CNTN4: variants seen among roughly 807,000 people sequenced by gnomAD.
CNTN4 encodes the protein contactin-4.
Under a neutral mutation model 122.5 loss-of-function variants are expected in CNTN4, and 77 were observed. The observed-to-expected ratio is 0.63, with a 90% CI of 0.52 to 0.76. The LOEUF (loss-of-function observed/expected upper bound fraction) is 0.76, where lower values mean the gene tolerates loss of function less well. Among genes scored for constraint, CNTN4 ranks in the 30% least tolerant of loss-of-function variants. The pLI, the probability that CNTN4 is intolerant of heterozygous loss-of-function variation, is 0.00. For missense variants in CNTN4, 1,256 were observed against 1,259.1 expected, an observed-to-expected ratio of 1.00 and a Z score of 0.04; for synonymous variants, 512 against 447.0, an observed-to-expected ratio of 1.15 and a Z score of -1.83.
At chr3:2,501,291 A>T (rs1422350343) in intron 3 of CNTN4, among the ~76,000 whole-genome samples, 1 of 152,172 alleles carries the variant, frequency 6.6e-6, no homozygotes, top group Non-Finnish European at 1.5e-5. Context: ...GGAAGTGTAA[A>T]TTTGGGCTTT....
chr3:2,363,048 C>A (rs530492553), intron 3 of CNTN4, among the ~76,000 whole-genome samples: 1 of 152,102 alleles, frequency 6.6e-6, no homozygotes, highest in Non-Finnish European at 1.5e-5. Context: ...ATCTTATGAT[C>A]CATTAATTGG....
intron 4 of CNTN4, among the ~76,000 whole-genome samples, chr3:2,665,128 C>CTGT (rs2084087923): frequency 6.6e-6 from 1 of 152,144 alleles, no homozygotes; most frequent in African/African-American, 2.4e-5. Flanking sequence ...ATGTAGGACA[C>CTGT]CCTCCTTAAA....
Position 2,614,386 on chromosome 3 carries a change from A to G in CNTN4, c.55+42828A>G, listed in dbSNP as rs181793252. Reference sequence around the variant, plus strand: ...TGATTTTGATTCTGAATATAATGGCAAGTCATTGGAAAGATCCACTTGATC... The same window carrying G: ...TGATTTTGATTCTGAATATAATGGCGAGTCATTGGAAAGATCCACTTGATC... On this transcript the variant is annotated intron_variant, in intron 4 of 24. Coordinates refer to ENST00000418658, the MANE Select transcript of CNTN4 (RefSeq NM_175607.3). Among the ~76,000 whole-genome samples, 180 of 152,296 alleles carry G rather than the reference A, an allele frequency of 1.2e-3. 5 individuals are homozygous for G. Among genetic ancestry groups the G allele is most frequent in the Admixed American group, 9.5e-3 (146 of 15,292 alleles).
chr3:3,034,712 G>T lies in CNTN4; in HGVS notation c.1864G>T (p.Asp622Tyr). Residue 622 changes from aspartate (D) to tyrosine (Y), a missense_variant, in exon 17 of 25, where the codon GAC becomes TAC. Physicochemically the swap from Asp to Tyr is radical, Grantham distance 160 (BLOSUM62 -3). Transcript: ENST00000418658. The part of the protein sequence containing the change: ...TAQLSWRPGP[D>Y]NHSPITMYVI... ...TCAGCTCTCCTGGAGACCCGGGCCT[G>T]ACAACCACAGCCCCATCACCATGTA... The T allele has an allele frequency of 6.2e-7, 1 of 1,614,034 alleles. No individual in the cohort carries two copies.
At chr3:2,328,272 G>C (rs1386099883) in intron 2 of CNTN4, among the ~76,000 whole-genome samples, 1 of 150,058 alleles carries the variant, frequency 6.7e-6, no homozygotes, top group Non-Finnish European at 1.5e-5. Context: ...CGGGCGTGGT[G>C]GCGGGCGCCT....
At chr3:2,152,535 G>A (rs1174836584) in intron 2 of CNTN4, among the ~76,000 whole-genome samples, 1 of 152,156 alleles carries the variant, frequency 6.6e-6, no homozygotes, top group Non-Finnish European at 1.5e-5. Flanking sequence ...GACTTTGTCA[G>A]ATTCTGAATA....
intron 13 of CNTN4, among the ~76,000 whole-genome samples, chr3:2,969,064 C>G (rs1237614296): frequency 6.6e-6 from 1 of 152,194 alleles, no homozygotes; most frequent in East Asian, 1.9e-4. Flanking sequence ...GCAACTATCA[C>G]CATCATCTCA....
chr3:2,162,833 A>C (rs1361843029), intron 2 of CNTN4, among the ~76,000 whole-genome samples: 1 of 152,234 alleles, frequency 6.6e-6, no homozygotes, highest in African/African-American at 2.4e-5. Context: ...GTGGTGGCTC[A>C]GGCCTGTAGT....
At chr3:2,933,718 A>G (rs1019227679) in intron 13 of CNTN4, among the ~76,000 whole-genome samples, 10 of 152,124 alleles carry the variant, frequency 6.6e-5, no homozygotes, top group African/African-American at 2.4e-4. Context: ...CTTTAACACT[A>G]CAACACTGCC....
chr3:2,497,249 C>T (rs761796564), intron 3 of CNTN4, among the ~76,000 whole-genome samples: 4 of 152,008 alleles, frequency 2.6e-5, no homozygotes, highest in African/African-American at 4.8e-5. Context: ...ATTTTCTTCT[C>T]ACTACAACCT....
At chr3:2,773,655 T>C in intron 6 of CNTN4, among the ~76,000 whole-genome samples, 1 of 152,096 alleles carries the variant, frequency 6.6e-6, no homozygotes, top group Non-Finnish European at 1.5e-5. Context: ...TGTCTATGGA[T>C]GGCAACTATG....
chr3:2,821,602 T>C (rs2092875645), intron 7 of CNTN4, among the ~76,000 whole-genome samples: 1 of 152,200 alleles, frequency 6.6e-6, no homozygotes, highest in African/African-American at 2.4e-5. Context: ...ATCATAATTT[T>C]ACTAGTAAGG....
intron 13 of CNTN4, among the ~76,000 whole-genome samples, chr3:2,933,009 A>G (rs1472618533): frequency 6.6e-6 from 1 of 151,852 alleles, no homozygotes; most frequent in African/African-American, 2.4e-5. Context: ...TTTTTAGTAG[A>G]GACGAAGTTT....
In CNTN4 at chr3:3,040,288, C is replaced by T. The variant is rs374613115; in HGVS notation, c.2398+17C>T. ...CAGAAGAAGGTATCGTTTATGCTGC[C>T]TAGATCATTGACTGTTAATATTTCT... On this transcript the variant is annotated intron_variant, in intron 20 of 24. Coordinates refer to ENST00000418658, the MANE Select transcript of CNTN4 (RefSeq NM_175607.3). 6 of 1,531,994 alleles carry T rather than the reference C, an allele frequency of 3.9e-6. No homozygotes were observed. The African/African-American group carries it at 6.8e-5, about 17-fold the overall frequency. 94.9% of individuals were successfully genotyped at this position (1,531,994 alleles called of 1,614,324 possible). A position where few individuals can be genotyped will look rare whatever the true frequency, so the allele number is the denominator to read the frequency against.
At chr3:2,541,185 T>C in intron 3 of CNTN4, among the ~76,000 whole-genome samples, 1 of 152,168 alleles carries the variant, frequency 6.6e-6, no homozygotes, top group Admixed American at 6.5e-5. Context: ...TTAAGTATAG[T>C]AACTTCACAT....
At chr3:2,411,602 C>G (rs1054452076) in intron 3 of CNTN4, among the ~76,000 whole-genome samples, 1 of 152,182 alleles carries the variant, frequency 6.6e-6, no homozygotes, top group Non-Finnish European at 1.5e-5. Context: ...ATTCCCAGTA[C>G]TTTCAATCAA....
At chr3:2,348,284 T>C (rs1052250958) in intron 3 of CNTN4, among the ~76,000 whole-genome samples, 13 of 152,242 alleles carry the variant, frequency 8.5e-5, no homozygotes, top group Non-Finnish European at 1.6e-4. Flanking sequence ...AGGGGTCATA[T>C]TGAGTCCAAA....
intron 13 of CNTN4, among the ~76,000 whole-genome samples, chr3:2,962,377 A>G (rs1311739409): frequency 6.6e-6 from 1 of 152,202 alleles, no homozygotes; most frequent in African/African-American, 2.4e-5. Context: ...CACCAAAGTC[A>G]TTTCTTTGTT....
intron 2 of CNTN4, among the ~76,000 whole-genome samples, chr3:2,131,964 A>G (rs986001943): frequency 5.3e-5 from 8 of 152,086 alleles, no homozygotes; most frequent in Non-Finnish European, 8.8e-5. Flanking sequence ...TTCATACCCT[A>G]TGTGTTCATA....
Sources: allele counts gnomAD v4.1 joint callset (sites outside exome capture counted in the v4.1 genomes callset), GRCh38; gene constraint gnomAD v4.1.1; transcripts MANE v1.5; gene names NCBI Gene and HGNC (gene_info 2026-07-23, HGNC 2026-07-21).